The following DNM1 variants were observed in gnomAD, a reference collection of about 807,000 sequenced individuals.
DNM1 encodes dynamin 1.
Under a neutral mutation model 104.6 loss-of-function variants are expected in DNM1, and 29 were observed. The ratio of observed to expected loss-of-function variants is 0.28; its 90% CI spans 0.21 to 0.38. The LOEUF is 0.38. Ranked by LOEUF, DNM1 falls within the 10% of genes least tolerant of loss-of-function variation. The pLI, the probability that DNM1 is intolerant of heterozygous loss-of-function variation, is 1.00. For synonymous variants in DNM1, 445 were observed against 475.8 expected, an observed-to-expected ratio of 0.94 and a Z score of 0.84; for missense variants, 640 against 1,189.4, an observed-to-expected ratio of 0.54 and a Z score of 6.79.
At chr9:128,213,795 T>G (rs1252316160) in intron 1 of DNM1, among the ~76,000 whole-genome samples, 1 of 152,124 alleles carries the variant, frequency 6.6e-6, no homozygotes, top group Non-Finnish European at 1.5e-5. Context: ...GCTGGGATAT[T>G]GTGACAAACA....
chr9:128,209,082 C>T (rs1178616037), intron 1 of DNM1, among the ~76,000 whole-genome samples: 2 of 152,158 alleles, frequency 1.3e-5, no homozygotes, highest in African/African-American at 4.8e-5. Flanking sequence ...TTGACACCCC[C>T]CCACCCACCT....
intron 6 of DNM1, among the ~76,000 whole-genome samples, chr9:128,221,939 T>TA (rs1283844961): frequency 6.6e-6 from 1 of 152,154 alleles, no homozygotes; most frequent in East Asian, 1.9e-4. Flanking sequence ...AAGATTAAAT[T>TA]GGCCAAAAAT....
At position 128,222,617 on chromosome 9, in the gene DNM1, G is replaced by T; in HGVS notation, c.1128+21G>T. On this transcript the variant is annotated intron_variant, in intron 8 of 21. Coordinates refer to ENST00000372923, the MANE Select transcript of DNM1 (RefSeq NM_004408.4). This position sits in a 1 kb window ranked among gnomAD's most constrained non-coding sequence, Gnocchi z 7.8. ...TCAAGGTAGGTCAGGCAGCCCTGGG[G>T]ACAGGATGGCTCAGGACTCCCCCCA... 2 of 1,613,786 alleles carry T rather than the reference G, an allele frequency of 1.2e-6. No homozygotes were observed. The highest frequency in any genetic ancestry group is 1.7e-6 in the Non-Finnish European group (2 of 1,179,844).
Position 128,218,191 on chromosome 9 carries a change from C to G in DNM1, c.162-40C>G. ...GTACCCCTGGGACAGAGGGCGCCCC[C>G]TCATATCTTGACCCTCCTTTGACCT... On this transcript the variant is annotated intron_variant, in intron 1 of 21. Coordinates refer to ENST00000372923, the MANE Select transcript of DNM1 (RefSeq NM_004408.4). The surrounding 1 kb of genome is among the most constrained non-coding windows in gnomAD (Gnocchi z 4.8). 6.2e-7 allele frequency: 1 copy of G among 1,605,410 alleles called. No individual in the cohort carries two copies. The highest frequency in any genetic ancestry group is 8.5e-7 in the Non-Finnish European group (1 of 1,172,036).
Position 128,240,131 on chromosome 9 carries a change from A to G in DNM1, c.1557+135A>G. 1 of 1,057,658 alleles carries G rather than the reference A, an allele frequency of 9.5e-7. No individual in the cohort carries two copies. The highest frequency in any genetic ancestry group is 1.5e-6 in the Non-Finnish European group (1 of 689,008). 65.5% of individuals were successfully genotyped at this position (1,057,658 alleles called of 1,614,324 possible). ...TACACACCAGCCCCTGGCATTTCAC[A>G]CCTGCCCTCAGGCCAGAGGCAGGCC... On this transcript the variant is annotated intron_variant, in intron 14 of 21. Coordinates refer to ENST00000372923, the MANE Select transcript of DNM1 (RefSeq NM_004408.4). This position sits in a 1 kb window ranked among gnomAD's most constrained non-coding sequence, Gnocchi z 5.1.
At chr9:128,236,561 C>T (rs545285206) in intron 11 of DNM1, among the ~76,000 whole-genome samples, 113 of 152,270 alleles carry the variant, frequency 7.4e-4, no homozygotes, top group Non-Finnish European at 1.6e-3. Context: ...CCATTACTAA[C>T]AGTTTGGGGC....
At chr9:128,244,353 C>T (rs749188248) in intron 15 of DNM1, among the ~76,000 whole-genome samples, 1 of 151,700 alleles carries the variant, frequency 6.6e-6, no homozygotes, top group Non-Finnish European at 1.5e-5. Flanking sequence ...TGTCAAGGTG[C>T]GTGTGTGTTG....
At chr9:128,212,191 C>A (rs530748494) in intron 1 of DNM1, among the ~76,000 whole-genome samples, 10 of 152,216 alleles carry the variant, frequency 6.6e-5, no homozygotes, top group Non-Finnish European at 1.3e-4. Flanking sequence ...ATTCCCTCAG[C>A]AGCCCTAGGA....
chr9:128,246,302 A>G, intron 15 of DNM1, 92 bp from the exon 16 acceptor site: 1 of 891,752 alleles, frequency 1.1e-6, no homozygotes, highest in Non-Finnish European at 1.9e-6. Context: ...TGATGCTTAG[A>G]AGCCCTGGGC....
At position 128,248,872 on chromosome 9, in the gene DNM1, C is replaced by T. The variant is rs375068728; in HGVS notation, c.2076+119C>T. 4 of 1,110,926 alleles carry T rather than the reference C, an allele frequency of 3.6e-6. No homozygotes were observed. Among genetic ancestry groups the T allele is most frequent in the East Asian group, 4.8e-5 (2 of 41,704 alleles). 68.8% of individuals were successfully genotyped at this position (1,110,926 alleles called of 1,614,324 possible). ...GGGACCAGGTCCAGGGAGGGAGGCA[C>T]GGTCCAGACCAGAGCTGTCCAATAG... On this transcript the variant is annotated intron_variant, in intron 19 of 21. Coordinates refer to ENST00000372923, the MANE Select transcript of DNM1 (RefSeq NM_004408.4). The surrounding 1 kb of genome is among the most constrained non-coding windows in gnomAD (Gnocchi z 5.6).
chr9:128,253,073 G>T lies in DNM1; in HGVS notation c.2535-1581G>T, dbSNP rs1481208172. ...CCGGCCCCACCCGTGCGTGTGAACT[G>T]CCATGTTGATTTCGTGCTGTCTTTC... On this transcript the variant is annotated intron_variant, in intron 21 of 21. Coordinates refer to ENST00000372923, the MANE Select transcript of DNM1 (RefSeq NM_004408.4). This position sits in a 1 kb window ranked among gnomAD's most constrained non-coding sequence, Gnocchi z 5.9. 1 of 1,611,368 alleles carries T rather than the reference G, an allele frequency of 6.2e-7. No individual in the cohort carries two copies. The highest frequency in any genetic ancestry group is 8.5e-7 in the Non-Finnish European group (1 of 1,179,828).
At position 128,203,989 on chromosome 9, in the gene DNM1, G is replaced by A. The variant is rs1833692766; in HGVS notation, c.161+358G>A. 2 of 159,860 alleles carry A rather than the reference G, an allele frequency of 1.3e-5. No individual in the cohort carries two copies. The highest frequency in any genetic ancestry group is 1.4e-5 in the Non-Finnish European group (1 of 73,456). 9.9% of individuals were successfully genotyped at this position (159,860 alleles called of 1,614,324 possible). ...CCGCATTACTCAGCGTCTCCGTTGG[G>A]CTCCGGGAGTCCCTTGGAGCGGGCA... On this transcript the variant is annotated intron_variant, in intron 1 of 21. Coordinates refer to ENST00000372923, the MANE Select transcript of DNM1 (RefSeq NM_004408.4). The surrounding 1 kb of genome is among the most constrained non-coding windows in gnomAD (Gnocchi z 5.3).
At chr9:128,217,424 G>A (rs1271966889) in intron 1 of DNM1, among the ~76,000 whole-genome samples, 3 of 152,070 alleles carry the variant, frequency 2.0e-5, no homozygotes, top group Non-Finnish European at 4.4e-5. Flanking sequence ...GTTTCTTTGT[G>A]GGTTTTTTTG....
chr9:128,253,402 GCAGACATGGGTGCTCTCTGGAGCCGT>G lies in DNM1; in HGVS notation c.2535-1247_2535-1222del, dbSNP rs1829651032. The G allele has an allele frequency of 3.7e-6, 2 of 541,822 alleles. No individual in the cohort carries two copies. The highest frequency in any genetic ancestry group is 6.6e-6 in the Non-Finnish European group (2 of 302,156). The allele number at this position is 541,822 out of a possible 1,614,324, so 33.6% of individuals were successfully genotyped here. ...TGGAACAGGCTCCGCGCCCAAGCTG[GCAGACATGGGTGCTCTCTGGAGCCGT>G]CAGAGAGGGCAGAGAGCTCGTGGTT... On this transcript the variant is annotated intron_variant, in intron 21 of 21. Transcript: ENST00000372923. The surrounding 1 kb of genome is among the most constrained non-coding windows in gnomAD (Gnocchi z 5.9).
intron 1 of DNM1, among the ~76,000 whole-genome samples, chr9:128,206,158 C>A (rs940881412): frequency 1.3e-5 from 2 of 152,128 alleles, no homozygotes; most frequent in Non-Finnish European, 2.9e-5. Context: ...ATAGTAACAG[C>A]CATTCTGTCT....
chr9:128,210,574 G>T (rs1449613776), intron 1 of DNM1, among the ~76,000 whole-genome samples: 3 of 152,128 alleles, frequency 2.0e-5, no homozygotes, highest in Non-Finnish European at 4.4e-5. Context: ...TATTGGCCAG[G>T]CTGGTCTCGA....
At chr9:128,208,749 T>G (rs1035331786) in intron 1 of DNM1, among the ~76,000 whole-genome samples, 1 of 151,920 alleles carries the variant, frequency 6.6e-6, no homozygotes, top group Non-Finnish European at 1.5e-5. Flanking sequence ...AGCACGTTTG[T>G]CGTGTATTTT....
rs77280598 is a variant in DNM1, at chr9:128,243,524, G to A, written c.1671+1179G>A. ...GGAGGGGCCCTCTGTCGTCACTGGC[G>A]GGGGCGCCAAGCCATCTGGACCTCA... On this transcript the variant is annotated intron_variant, in intron 15 of 21. Transcript: ENST00000372923. This position sits in a 1 kb window ranked among gnomAD's most constrained non-coding sequence, Gnocchi z 4.0. 8.5e-5 allele frequency among the ~76,000 whole-genome samples: 13 copies of A among 152,356 alleles called. No individual in the cohort carries two copies. The East Asian group carries it at 1.5e-3, about 18-fold the overall frequency.
At chr9:128,251,337 T>G in intron 21 of DNM1, 1 of 363,402 alleles carries the variant, frequency 2.8e-6, no homozygotes, top group East Asian at 8.8e-5. Context: ...GAGCCTACCT[T>G]AGGTCTGACT....
Sources: allele counts gnomAD v4.1 joint callset (sites outside exome capture counted in the v4.1 genomes callset), GRCh38; gene constraint gnomAD v4.1.1; non-coding constraint Gnocchi (gnomAD v3.1); transcripts MANE v1.5; gene names NCBI Gene and HGNC (gene_info 2026-07-23, HGNC 2026-07-21).